The following PRKCB variants were observed in gnomAD, a reference collection of about 807,000 sequenced individuals.
PRKCB encodes the protein protein kinase C beta.
A neutral mutation model predicts 81.5 loss-of-function variants in PRKCB; 13 were observed. That is an observed-to-expected ratio of 0.16 (90% CI 0.10 to 0.25). The LOEUF (loss-of-function observed/expected upper bound fraction) is 0.25. PRKCB is among the 10% of genes least tolerant of loss of function. The probability of loss-of-function intolerance (pLI) is 1.00; values close to 1 mark genes in which losing one functional copy is unlikely to be tolerated. For missense variants in PRKCB, 509 were observed against 875.7 expected (o/e 0.58, Z 5.29); for synonymous variants, 335 against 321.4 (o/e 1.04, Z -0.45).
At chr16:24,179,673 T>C (rs1967588691) in intron 12 of PRKCB, among the ~76,000 whole-genome samples, 1 of 152,162 alleles carries the variant, frequency 6.6e-6, no homozygotes, top group Admixed American at 6.5e-5. Context: ...ACAGCACATA[T>C]CCTTTAGGTT....
chr16:23,837,298 C>T (rs1962180311), intron 1 of PRKCB, 77 bp from the exon 2 acceptor site: 2 of 1,562,334 alleles, frequency 1.3e-6, no homozygotes, highest in Non-Finnish European at 1.8e-6. Context: ...GGGAGGAAGG[C>T]GGGTGACTCT....
chr16:24,149,127 C>T (rs1161013972), intron 9 of PRKCB, among the ~76,000 whole-genome samples: 2 of 152,112 alleles, frequency 1.3e-5, no homozygotes, highest in Non-Finnish European at 2.9e-5. Context: ...GTCTTGTTCC[C>T]TGGTCTAGCA....
chr16:23,932,580 G>A (rs748180237), intron 2 of PRKCB, among the ~76,000 whole-genome samples: 9 of 152,192 alleles, frequency 5.9e-5, no homozygotes, highest in Non-Finnish European at 1.0e-4. Flanking sequence ...ATGCCAGCTA[G>A]CCTCCATCAA....
chr16:24,193,883 T>C (rs1334159219), intron 16 of PRKCB, among the ~76,000 whole-genome samples: 1 of 152,196 alleles, frequency 6.6e-6, no homozygotes, highest in Non-Finnish European at 1.5e-5. Context: ...TGCTCCATCT[T>C]CATGGTATTT....
At chr16:23,887,164 T>C (rs1006612953) in intron 2 of PRKCB, among the ~76,000 whole-genome samples, 3 of 152,226 alleles carry the variant, frequency 2.0e-5, no homozygotes, top group Admixed American at 2.0e-4. Flanking sequence ...CAGATATGCT[T>C]GTAGGATAGA....
chr16:24,041,477 T>C (rs1965696785), intron 5 of PRKCB, among the ~76,000 whole-genome samples: 1 of 152,130 alleles, frequency 6.6e-6, no homozygotes, highest in Admixed American at 6.5e-5. Flanking sequence ...TCCATCCTCA[T>C]ATCTATCTCC....
intron 5 of PRKCB, among the ~76,000 whole-genome samples, chr16:24,051,978 C>T (rs1965848875): frequency 6.6e-6 from 1 of 150,674 alleles, no homozygotes; most frequent in African/African-American, 2.5e-5. Context: ...GGCATGGTGG[C>T]GGGCACCTGT....
chr16:24,070,590 A>G (rs1567363823), intron 5 of PRKCB, among the ~76,000 whole-genome samples: 1 of 152,232 alleles, frequency 6.6e-6, no homozygotes, highest in Admixed American at 6.5e-5. Context: ...GGTTGCAGTC[A>G]TTACAACGCA....
At chr16:23,844,422 A>G (rs1422697018) in intron 2 of PRKCB, among the ~76,000 whole-genome samples, 1 of 152,150 alleles carries the variant, frequency 6.6e-6, no homozygotes, top group Non-Finnish European at 1.5e-5. Flanking sequence ...CCCTCCATTT[A>G]TCCACCCACC....
chr16:23,950,039 C>G (rs1181424631), intron 2 of PRKCB, among the ~76,000 whole-genome samples: 1 of 152,022 alleles, frequency 6.6e-6, no homozygotes, highest in Non-Finnish European at 1.5e-5. Context: ...CCCATGCTAA[C>G]CGAAGGAGCC....
At chr16:23,988,751 C>T (rs1479660415) in intron 3 of PRKCB, among the ~76,000 whole-genome samples, 161 bp downstream of exon 3, 3 of 152,054 alleles carry the variant, frequency 2.0e-5, no homozygotes, top group African/African-American at 7.2e-5. Flanking sequence ...TAGTGGAAAA[C>T]AAAATTTTGG....
At chr16:24,080,158 G>A (rs1036183628) in intron 5 of PRKCB, among the ~76,000 whole-genome samples, 2 of 152,204 alleles carry the variant, frequency 1.3e-5, no homozygotes, top group East Asian at 3.9e-4. Context: ...GGAAACCAAT[G>A]AGGAGGATCT....
chr16:24,125,224 G>A lies in PRKCB; in HGVS notation c.1065+1243G>A, dbSNP rs182986204. ...TTTTTAAAGCTTACATTAGGTCAAG[G>A]GGCTCCCCTGCTTAAGACCCTCCAA... On this transcript the variant is annotated intron_variant, in intron 9 of 16. Transcript: ENST00000643927. Among the ~76,000 whole-genome samples, 118 of 152,184 alleles carry A rather than the reference G, an allele frequency of 7.8e-4. 1 individual carries two copies. The highest frequency in any genetic ancestry group is 2.5e-3 in the African/African-American group (105 of 41,510).
intron 5 of PRKCB, among the ~76,000 whole-genome samples, chr16:24,049,053 T>G (rs1018484866): frequency 1.5e-5 from 2 of 132,586 alleles, no homozygotes; most frequent in African/African-American, 3.0e-5. Flanking sequence ...GCCTGTTTTT[T>G]TTTTTTTTTT....
rs1469405735 is a variant in PRKCB at position 24,154,734 on chromosome 16, C to T, written c.1116C>T (p.Ile372=). Residue 372 remains isoleucine, a synonymous_variant, in exon 10 of 17, where the codon ATC becomes ATT. Coordinates refer to ENST00000643927, the MANE Select transcript of PRKCB (RefSeq NM_002738.7). ...KGTDELYAVK[I]LKKDVVIQDD... is the part of the protein sequence containing the mutation. ...CAGATGAGCTCTATGCTGTGAAGAT[C>T]CTGAAGAAGGACGTTGTGATCCAAG... 1.2e-6 allele frequency: 2 copies of T among 1,614,184 alleles called. No individual in the cohort carries two copies. The highest frequency in any genetic ancestry group is 1.7e-6 in the Non-Finnish European group (2 of 1,180,012).
At chr16:24,061,440 T>C (rs1269877814) in intron 5 of PRKCB, among the ~76,000 whole-genome samples, 1 of 152,154 alleles carries the variant, frequency 6.6e-6, no homozygotes, top group Non-Finnish European at 1.5e-5. Context: ...TTCAGAGTTG[T>C]GATTAGAGAA....
chr16:23,869,990 C>T (rs1265077340), intron 2 of PRKCB, among the ~76,000 whole-genome samples: 1 of 149,986 alleles, frequency 6.7e-6, no homozygotes, highest in Non-Finnish European at 1.5e-5. Flanking sequence ...CCATTGCACT[C>T]TAGCCTGGGC....
At chr16:23,837,334 C>G in intron 1 of PRKCB, 41 bp from the exon 2 acceptor site, 1 of 1,612,650 alleles carries the variant, frequency 6.2e-7, no homozygotes, top group Non-Finnish European at 8.5e-7. Flanking sequence ...GAGGCTGGGC[C>G]CCCCGGGCTG....
At chr16:24,009,586 G>T (rs1051576855) in intron 3 of PRKCB, among the ~76,000 whole-genome samples, 1 of 137,938 alleles carries the variant, frequency 7.2e-6, no homozygotes, top group Admixed American at 7.0e-5. Context: ...CACCACGCCC[G>T]GCCTATTTTT....
Sources: allele counts gnomAD v4.1 joint callset (sites outside exome capture counted in the v4.1 genomes callset), GRCh38; gene constraint gnomAD v4.1.1; transcripts MANE v1.5; gene names NCBI Gene and HGNC (gene_info 2026-07-23, HGNC 2026-07-21).